The following SMYD3 variants were observed in gnomAD, a reference collection of about 807,000 sequenced individuals.
The protein encoded by SMYD3 is histone-lysine N-methyltransferase SMYD3.
In SMYD3, 36 loss-of-function variants were observed where a neutral mutation model predicts 57.7. The observed-to-expected ratio is 0.62, with a 90% CI of 0.48 to 0.82. The LOEUF is 0.82. Among genes scored for constraint, SMYD3 ranks in the 40% least tolerant of loss-of-function variants. The pLI, the probability that SMYD3 is intolerant of heterozygous loss-of-function variation, is 0.00. For synonymous variants in SMYD3, 211 were observed against 195.0 expected, an observed-to-expected ratio of 1.08 and a Z score of -0.68; for missense variants, 515 against 538.8, an observed-to-expected ratio of 0.96 and a Z score of 0.44.
intron 1 of SMYD3, among the ~76,000 whole-genome samples, chr1:246,420,586 G>A (rs2067128060): frequency 6.6e-6 from 1 of 152,156 alleles, no homozygotes; most frequent in Non-Finnish European, 1.5e-5. Context: ...TTTATGAATG[G>A]ACAGAGAAGA....
At position 246,506,993 on chromosome 1, in the gene SMYD3, C is replaced by A. The variant is rs983740716; in HGVS notation, c.164+61G>T. The stretch of plus-strand genomic sequence containing the variant: ...CGCGGCTGCCGGCCGCCCGACGCCC[C>A]CCCCTCCCCAGCACCCCACACAGCT... On this transcript the variant is annotated intron_variant, in intron 1 of 11. Transcript: ENST00000490107. The A allele has an allele frequency of 1.2e-5, 11 of 884,034 alleles. 1 individual carries two copies. The highest frequency in any genetic ancestry group is 8.0e-5 in the African/African-American group (3 of 37,504). 54.8% of individuals were successfully genotyped at this position (884,034 alleles called of 1,614,324 possible).
At chr1:245,966,441 T>C (rs529101358) in intron 5 of SMYD3, among the ~76,000 whole-genome samples, 1 of 152,304 alleles carries the variant, frequency 6.6e-6, no homozygotes, top group Non-Finnish European at 1.5e-5. Flanking sequence ...AGGGCCGGGA[T>C]TACAGGCGCA....
Position 245,845,314 on chromosome 1 carries a change from T to C in SMYD3, c.1076+13182A>G, listed in dbSNP as rs75729782. Among the ~76,000 whole-genome samples the C allele has an allele frequency of 8.2e-3, 1,251 of 152,322 alleles. 17 individuals carry two copies. Among genetic ancestry groups the C allele is most frequent in the African/African-American group, 0.028 (1,184 of 41,558 alleles). On this transcript the variant is annotated intron_variant, in intron 10 of 11. Coordinates refer to ENST00000490107, the MANE Select transcript of SMYD3 (RefSeq NM_001167740.2). The stretch of plus-strand genomic sequence containing the variant: ...TAAATTAACCTCACTAACTCCTATT[T>C]TTCCATCCATAGGAAATGTGCCAGG...
chr1:246,205,756 T>A (rs1572211400), intron 5 of SMYD3, among the ~76,000 whole-genome samples: 1 of 151,470 alleles, frequency 6.6e-6, no homozygotes, highest in Non-Finnish European at 1.5e-5. Context: ...GGAGGCGAGG[T>A]TGCATTGAGC....
chr1:246,119,406 GTTCT>G (rs202112780), intron 5 of SMYD3, among the ~76,000 whole-genome samples: 12 of 138,710 alleles, frequency 8.7e-5, no homozygotes, highest in East Asian at 2.1e-4. Flanking sequence ...CACTCTTTTT[GTTCT>G]TTCTTTTTTT....
chr1:246,347,498 A>G (rs1037168771), intron 2 of SMYD3, among the ~76,000 whole-genome samples: 1 of 152,236 alleles, frequency 6.6e-6, no homozygotes, highest in Admixed American at 6.5e-5. Flanking sequence ...AAATGGTTTC[A>G]GTAATATGTC....
intron 5 of SMYD3, among the ~76,000 whole-genome samples, chr1:245,954,456 T>G (rs1057405420): frequency 4.6e-5 from 7 of 152,180 alleles, no homozygotes; most frequent in African/African-American, 1.7e-4. Flanking sequence ...GGCAGATTAC[T>G]TGAGCCTAGA....
At chr1:245,822,555 G>GAA (rs11431887) in intron 10 of SMYD3, among the ~76,000 whole-genome samples, 3,063 of 135,422 alleles carry the variant, frequency 0.023, 112 homozygotes, top group African/African-American at 0.075. Flanking sequence ...AATAATAAAA[G>GAA]AAAAAAAAAA....
At chr1:245,839,510 T>G (rs757097483) in intron 10 of SMYD3, among the ~76,000 whole-genome samples, 1 of 151,976 alleles carries the variant, frequency 6.6e-6, no homozygotes, top group Non-Finnish European at 1.5e-5. Context: ...CAGGAATGGA[T>G]AGCGGTTTCC....
At chr1:246,241,418 AGCCTT>A (rs1185366278) in intron 5 of SMYD3, among the ~76,000 whole-genome samples, 2 of 152,224 alleles carry the variant, frequency 1.3e-5, no homozygotes, top group Non-Finnish European at 2.9e-5. Flanking sequence ...ATGTTGAACC[AGCCTT>A]GCATCCCAGG....
At position 246,264,984 on chromosome 1, in the gene SMYD3, C is replaced by G. The variant is rs192998153; in HGVS notation, c.531+62217G>C. On this transcript the variant is annotated intron_variant, in intron 5 of 11. Transcript: ENST00000490107. ...ATAATTGTGAAGAAATAAAAAACTA[C>G]AGGAGAGTGATTTTTAAATCAAAGG... Among the ~76,000 whole-genome samples, 6 of 152,248 alleles carry G rather than the reference C, an allele frequency of 3.9e-5. No individual in the cohort carries two copies. In the East Asian group the frequency reaches 1.2e-3, roughly 29 times the overall value.
chr1:245,849,678 G>T (rs2050859429), intron 10 of SMYD3, among the ~76,000 whole-genome samples: 1 of 151,256 alleles, frequency 6.6e-6, no homozygotes, highest in Non-Finnish European at 1.5e-5. Flanking sequence ...TTTGAGACAG[G>T]GTCTCGCTCA....
Position 246,019,573 on chromosome 1 carries a change from C to T in SMYD3, c.532-89636G>A, listed in dbSNP as rs1002959640. 5.9e-5 allele frequency among the ~76,000 whole-genome samples: 9 copies of T among 152,232 alleles called. No homozygotes were observed. In the South Asian group the frequency reaches 1.7e-3, roughly 28 times the overall value. ...CTTTGTTATTTCCACAAAAGATGAT[C>T]GTAGCTGTGTTCTTGACATAAAGGG... On this transcript the variant is annotated intron_variant, in intron 5 of 11. Transcript: ENST00000490107.
Position 246,203,007 on chromosome 1 carries a change from C to T in SMYD3, c.531+124194G>A, listed in dbSNP as rs1206630003. 6.6e-6 allele frequency among the ~76,000 whole-genome samples: 1 copy of T among 152,054 alleles called. No individual in the cohort carries two copies. Among genetic ancestry groups the T allele is most frequent in the African/African-American group, 2.4e-5 (1 of 41,418 alleles). ...GGTCGTGGTGGTGGGCGCCTATAAT[C>T]CCAGCTACTCAGGAGGCTGAGACAG... On this transcript the variant is annotated intron_variant, in intron 5 of 11. Coordinates refer to ENST00000490107, the MANE Select transcript of SMYD3 (RefSeq NM_001167740.2). This position sits in a 1 kb window ranked among gnomAD's most constrained non-coding sequence, Gnocchi z 4.6.
chr1:245,779,025 T>TGG (rs2046723418), intron 10 of SMYD3, among the ~76,000 whole-genome samples: 1 of 151,740 alleles, frequency 6.6e-6, no homozygotes. Flanking sequence ...CTGGGTGTGG[T>TGG]GGCATGCGCT....
At chr1:246,099,495 G>C (rs1323916450) in intron 5 of SMYD3, among the ~76,000 whole-genome samples, 3 of 152,162 alleles carry the variant, frequency 2.0e-5, no homozygotes, top group East Asian at 1.9e-4. Flanking sequence ...TTTAAGACTA[G>C]TTTGGGTTTG....
chr1:245,920,088 AG>A (rs2055763957), intron 7 of SMYD3, among the ~76,000 whole-genome samples: 6 of 151,962 alleles, frequency 3.9e-5, no homozygotes, highest in African/African-American at 1.5e-4. Flanking sequence ...CCAAGGCGGT[AG>A]GATCACGAGG....
At chr1:245,850,464 C>A (rs1042075243) in intron 10 of SMYD3, among the ~76,000 whole-genome samples, 5 of 151,996 alleles carry the variant, frequency 3.3e-5, no homozygotes, top group Admixed American at 3.3e-4. Flanking sequence ...GGCCAAGGTG[C>A]GAGGATCACT....
intron 5 of SMYD3, among the ~76,000 whole-genome samples, chr1:246,030,510 A>T (rs1257939974): frequency 6.6e-6 from 1 of 152,222 alleles, no homozygotes; most frequent in African/African-American, 2.4e-5. Context: ...TTGTACGCTG[A>T]ATATGCTCAA....
Sources: gnomAD v4.1 joint callset for allele counts (sites outside exome capture counted in the v4.1 genomes callset) on GRCh38, gnomAD v4.1.1 for gene constraint, Gnocchi (gnomAD v3.1) non-coding constraint, MANE v1.5 for transcripts, NCBI Gene and HGNC (gene_info 2026-07-23, HGNC 2026-07-21) for gene names.